The following SORCS3 variants were observed in gnomAD, a reference collection of about 807,000 sequenced individuals.
SORCS3 encodes sortilin related VPS10 domain containing receptor 3, also known as VPS10 domain-containing receptor SorCS3.
Under a neutral mutation model 146.3 loss-of-function variants are expected in SORCS3, and 57 were observed. The observed-to-expected ratio is 0.39, with a 90% CI of 0.31 to 0.49. The LOEUF (loss-of-function observed/expected upper bound fraction) is 0.49. Ranked by LOEUF, SORCS3 falls within the 20% of genes least tolerant of loss-of-function variation. The probability of loss-of-function intolerance (pLI) is 0.92; values close to 1 mark genes in which losing one functional copy is unlikely to be tolerated. For missense variants in SORCS3, 1,341 were observed against 1,575.5 expected, an observed-to-expected ratio of 0.85 and a Z score of 2.52; for synonymous variants, 653 against 618.5, an observed-to-expected ratio of 1.06 and a Z score of -0.83.
intron 2 of SORCS3, among the ~76,000 whole-genome samples, chr10:104,889,621 C>T (rs2133581977): frequency 6.6e-6 from 1 of 152,182 alleles, no homozygotes; most frequent in South Asian, 2.1e-4. Flanking sequence ...GGCACAAGAA[C>T]CCTAAAACAG....
At chr10:105,151,558 A>G (rs939678214) in intron 9 of SORCS3, among the ~76,000 whole-genome samples, 1 of 152,094 alleles carries the variant, frequency 6.6e-6, no homozygotes, top group African/African-American at 2.4e-5. Flanking sequence ...GACCTTGCCC[A>G]CTTAAGCCAC....
chr10:104,841,647 G>A (rs2018140887), intron 1 of SORCS3, among the ~76,000 whole-genome samples: 1 of 152,046 alleles, frequency 6.6e-6, no homozygotes. Flanking sequence ...ATAAAAATGT[G>A]CAATATAATG....
At chr10:104,662,268 A>G (rs1330530075) in intron 1 of SORCS3, among the ~76,000 whole-genome samples, 1 of 152,244 alleles carries the variant, frequency 6.6e-6, no homozygotes, top group Non-Finnish European at 1.5e-5. Context: ...TTCATTTTAA[A>G]ATGACATAAT....
At chr10:104,761,713 TCAAA>T (rs2017124116) in intron 1 of SORCS3, among the ~76,000 whole-genome samples, 1 of 152,112 alleles carries the variant, frequency 6.6e-6, no homozygotes, top group Admixed American at 6.5e-5. Flanking sequence ...GTGAATGTGA[TCAAA>T]CAGATTATTG....
At chr10:105,260,833 T>C (rs996818516) in intron 25 of SORCS3, among the ~76,000 whole-genome samples, 1 of 152,200 alleles carries the variant, frequency 6.6e-6, no homozygotes, top group Non-Finnish European at 1.5e-5. Flanking sequence ...TTCAGTGATA[T>C]CTATGCTAGT....
At chr10:105,115,119 G>T (rs1399907660) in intron 7 of SORCS3, among the ~76,000 whole-genome samples, 2 of 152,032 alleles carry the variant, frequency 1.3e-5, no homozygotes, top group Non-Finnish European at 2.9e-5. Context: ...GGTCTGATGT[G>T]GAGAAAACAG....
At chr10:104,723,584 A>C (rs1221469414) in intron 1 of SORCS3, among the ~76,000 whole-genome samples, 1 of 152,094 alleles carries the variant, frequency 6.6e-6, no homozygotes, top group Non-Finnish European at 1.5e-5. Context: ...TGGGGTGTTA[A>C]AGTCTCCCAT....
chr10:105,255,345 A>C (rs1026893907), intron 23 of SORCS3, among the ~76,000 whole-genome samples: 2 of 152,196 alleles, frequency 1.3e-5, no homozygotes, highest in African/African-American at 2.4e-5. Flanking sequence ...GGAGGGAGGG[A>C]TAGCATTAGG....
intron 1 of SORCS3, among the ~76,000 whole-genome samples, chr10:104,828,415 G>A (rs1342462025): frequency 6.6e-6 from 1 of 152,054 alleles, no homozygotes; most frequent in Non-Finnish European, 1.5e-5. Flanking sequence ...GTCAAAACTT[G>A]CACATTTGTC....
At chr10:105,245,438 G>A in intron 20 of SORCS3, 104 bp from the exon 21 acceptor site, 6 of 1,386,356 alleles carry the variant, frequency 4.3e-6, no homozygotes, top group Non-Finnish European at 4.0e-6. Flanking sequence ...TTGTTTGTTT[G>A]TTTTTCTTTT....
chr10:104,858,869 C>T (rs558678242), intron 2 of SORCS3, among the ~76,000 whole-genome samples: 1 of 150,728 alleles, frequency 6.6e-6, no homozygotes, highest in African/African-American at 2.4e-5. Flanking sequence ...GATCCGCCCC[C>T]CTCAGCCTCC....
Position 105,066,769 on chromosome 10 carries a change from G to C in SORCS3, c.1029-23006G>C, listed in dbSNP as rs182549667. On this transcript the variant is annotated intron_variant, in intron 5 of 26. Transcript: ENST00000369701. The stretch of plus-strand genomic sequence containing the variant: ...TATTCCTCCTATTTGGAGGAGTCAG[G>C]CTCCTCCAAATCATGACCATTTCTT... Among the ~76,000 whole-genome samples the C allele has an allele frequency of 1.9e-3, 285 of 152,000 alleles. 1 individual carries two copies. Among genetic ancestry groups the C allele is most frequent in the Non-Finnish European group, 3.1e-3 (208 of 67,978 alleles).
intron 1 of SORCS3, among the ~76,000 whole-genome samples, chr10:104,677,181 C>T (rs1238658468): frequency 1.3e-5 from 2 of 152,204 alleles, no homozygotes; most frequent in East Asian, 3.9e-4. Context: ...GTGACAGTCA[C>T]ATTTATCTCC....
rs564491395 is a variant in SORCS3 at position 105,017,280 on chromosome 10, C to T, written c.955-25775C>T. 3.9e-5 allele frequency among the ~76,000 whole-genome samples: 6 copies of T among 152,044 alleles called. No homozygotes were observed. In the South Asian group the frequency reaches 1.3e-3, roughly 32 times the overall value. On this transcript the variant is annotated intron_variant, in intron 4 of 26. Transcript: ENST00000369701. ...TGGTGGTACCAGTAGAAAGGCCCTGCCTTAGGGGGGCAGTTGTGTTTAAGT... is the reference window on the plus strand; with the variant it reads ...TGGTGGTACCAGTAGAAAGGCCCTGTCTTAGGGGGGCAGTTGTGTTTAAGT...
intron 3 of SORCS3, among the ~76,000 whole-genome samples, chr10:104,962,802 A>G (rs1232317763): frequency 6.6e-6 from 1 of 152,240 alleles, no homozygotes; most frequent in East Asian, 1.9e-4. Flanking sequence ...AGAGAAGAAA[A>G]TAAAAAATAC....
intron 5 of SORCS3, among the ~76,000 whole-genome samples, chr10:105,071,424 A>G (rs1276681327): frequency 6.6e-6 from 1 of 152,244 alleles, no homozygotes; most frequent in Non-Finnish European, 1.5e-5. Flanking sequence ...TGGACTAAGC[A>G]TATTGGGCAG....
intron 16 of SORCS3, among the ~76,000 whole-genome samples, chr10:105,203,821 A>G (rs918133418): frequency 6.6e-6 from 1 of 152,224 alleles, no homozygotes; most frequent in Admixed American, 6.5e-5. Context: ...CTGATGTATA[A>G]CATAGAAATA....
intron 1 of SORCS3, among the ~76,000 whole-genome samples, chr10:104,773,771 C>T (rs1007867646): frequency 1.3e-5 from 2 of 152,192 alleles, no homozygotes; most frequent in African/African-American, 4.8e-5. Context: ...CTAGAAGCCC[C>T]AGCTTAGGTC....
At chr10:105,126,209 TTGTGTCA>T (rs1379900548) in intron 7 of SORCS3, among the ~76,000 whole-genome samples, 1 of 152,120 alleles carries the variant, frequency 6.6e-6, no homozygotes, top group Non-Finnish European at 1.5e-5. Flanking sequence ...AGTAGAGTGT[TTGTGTCA>T]TGTAACACAC....
Sources: allele counts gnomAD v4.1 joint callset (sites outside exome capture counted in the v4.1 genomes callset), GRCh38; gene constraint gnomAD v4.1.1; transcripts MANE v1.5; gene names NCBI Gene and HGNC (gene_info 2026-07-23, HGNC 2026-07-21).